Variants in NSD1 observed in about 807,000 individuals in gnomAD.
NSD1 encodes nuclear receptor binding SET domain protein 1, also known as histone-lysine N-methyltransferase, H3 lysine-36 specific.
In NSD1, 26 loss-of-function variants were observed where a neutral mutation model predicts 242.7. That is an observed-to-expected ratio of 0.11 (90% confidence interval 0.08 to 0.15). The LOEUF is 0.15. Among genes scored for constraint, NSD1 ranks in the 10% least tolerant of loss-of-function variants. The probability of loss-of-function intolerance (pLI) is 1.00; values close to 1 mark genes in which losing one functional copy is unlikely to be tolerated. For missense variants in NSD1, 2,495 were observed against 3,272.8 expected (o/e 0.76, Z 5.80); for synonymous variants, 1,106 against 1,178.1 (o/e 0.94, Z 1.25).
At chr5:177,285,454 C>T (rs1185442436) in intron 20 of NSD1, among the ~76,000 whole-genome samples, 1 of 149,672 alleles carries the variant, frequency 6.7e-6, no homozygotes. Context: ...GTCTCAGCTA[C>T]TCTGGAGGCT....
Position 177,295,170 on chromosome 5 carries a change from G to A in NSD1, c.7802G>A (p.Arg2601Lys), listed in dbSNP as rs1222319764. ...ALAAKSGQSF[R>K]SLGKAPASLP... is the part of the protein sequence containing the mutation. The stretch of plus-strand genomic sequence containing the variant: ...GCCGCCAAGAGTGGGCAATCTTTTA[G>A]GTCTCTCGGGAAGGCCCCAGCCTCC... The change falls in exon 23 of 23, where the codon AGG (arginine) becomes AAG (lysine). Residue 2601 changes from arginine (R) to lysine (K), a missense_variant. Arg to Lys is a conservative substitution (Grantham distance 26). Around this residue, in one of 19 missense-constraint regions of NSD1, gnomAD observed 475 missense variants for 563.7 expected, o/e 0.84. Transcript: ENST00000439151. This position sits in a 1 kb window ranked among gnomAD's most constrained non-coding sequence, Gnocchi z 4.3. The A allele has an allele frequency of 1.2e-6, 2 of 1,614,184 alleles. No individual in the cohort carries two copies.
intron 2 of NSD1, among the ~76,000 whole-genome samples, chr5:177,141,398 T>A (rs559052909): frequency 3.6e-4 from 52 of 143,978 alleles, no homozygotes; most frequent in Middle Eastern, 3.6e-3. Context: ...TGGTGTGACC[T>A]TAGCCCACGG....
intron 2 of NSD1, among the ~76,000 whole-genome samples, chr5:177,177,955 A>G (rs1489285346): frequency 6.6e-6 from 1 of 152,052 alleles, no homozygotes; most frequent in Non-Finnish European, 1.5e-5. Context: ...TGTGCAGTGG[A>G]GCAGTTTTGG....
chr5:177,181,427 G>GTTTTTTTT (rs34848476), intron 2 of NSD1, among the ~76,000 whole-genome samples: 13 of 117,336 alleles, frequency 1.1e-4, no homozygotes, highest in African/African-American at 2.2e-4. Flanking sequence ...TTTTTTTTTG[G>GTTTTTTTT]TTTTTTTTTT....
At chr5:177,144,220 G>GT (rs78751136) in intron 2 of NSD1, among the ~76,000 whole-genome samples, 424 of 146,162 alleles carry the variant, frequency 2.9e-3, no homozygotes, top group East Asian at 2.8e-3. Context: ...ATATTTTTGA[G>GT]TTTTTTTTTT....
At chr5:177,155,016 A>T (rs540772297) in intron 2 of NSD1, among the ~76,000 whole-genome samples, 105 of 142,362 alleles carry the variant, frequency 7.4e-4, no homozygotes, top group African/African-American at 2.7e-3. Flanking sequence ...TTTGAGTCAG[A>T]GTCTTGTTCT....
At position 177,134,983 on chromosome 5, in the gene NSD1, CAGAA is replaced by C; in HGVS notation, c.-17-101_-17-98del. ...ACTTTTTCTGCCCATGGAAGTGCAG[CAGAA>C]AGGCATAGAGGCCACTAGGCCTTGA... On this transcript the variant is annotated intron_variant, in intron 1 of 22. Transcript: ENST00000439151. The surrounding 1 kb of genome is among the most constrained non-coding windows in gnomAD (Gnocchi z 4.2). 10 of 984,196 alleles carry C rather than the reference CAGAA, an allele frequency of 1.0e-5. No homozygotes were observed. Among genetic ancestry groups the C allele is most frequent in the Non-Finnish European group, 1.4e-5 (9 of 632,220 alleles). The allele number at this position is 984,196 out of a possible 1,614,324, so 61.0% of individuals were successfully genotyped here.
chr5:177,243,248 G>A (rs1417748409), intron 8 of NSD1, among the ~76,000 whole-genome samples: 2 of 152,142 alleles, frequency 1.3e-5, no homozygotes, highest in South Asian at 2.1e-4. Context: ...GCAGTGGCGC[G>A]ATCTTGGCTC....
intron 8 of NSD1, among the ~76,000 whole-genome samples, chr5:177,242,819 G>A (rs1479365344): frequency 1.3e-5 from 2 of 152,252 alleles, no homozygotes; most frequent in Middle Eastern, 3.4e-3. Context: ...GTGAACCACC[G>A]TGCCCAGCCA....
intron 2 of NSD1, among the ~76,000 whole-genome samples, chr5:177,174,149 G>A (rs1443241498): frequency 1.3e-5 from 2 of 151,934 alleles, no homozygotes; most frequent in African/African-American, 2.4e-5. Context: ...GGTGGATCAC[G>A]AGGTCAAGAG....
Position 177,235,913 on chromosome 5 carries a change from A to G in NSD1, c.3889A>G (p.Lys1297Glu), listed in dbSNP as rs1581401806. The change falls in exon 6 of 23, where the codon AAA becomes GAA. Residue 1297 changes from lysine (K) to glutamate (E), a missense_variant. Lys to Glu is a moderately conservative substitution (Grantham distance 56, BLOSUM62 1). Around this residue, in one of 19 missense-constraint regions of NSD1, gnomAD observed 426 missense variants for 411.4 expected, o/e 1.04. Transcript: ENST00000439151. ...TGATCAGATATTTGCTCCTAAGAAAAAACAAAAGAAGGTACAGGAGCAGGT... is the reference window on the plus strand; with the variant it reads ...TGATCAGATATTTGCTCCTAAGAAAGAACAAAAGAAGGTACAGGAGCAGGT... The part of the protein sequence containing the change: ...EYDQIFAPKK[K>E]QKKVQEQVHK... The G allele has an allele frequency of 6.2e-7, 1 of 1,614,010 alleles. No homozygotes were observed. Among genetic ancestry groups the G allele is most frequent in the Non-Finnish European group, 8.5e-7 (1 of 1,179,906 alleles).
chr5:177,186,346 A>G (rs1318177413), intron 2 of NSD1, among the ~76,000 whole-genome samples: 2 of 151,590 alleles, frequency 1.3e-5, no homozygotes, highest in South Asian at 2.1e-4. Context: ...ATTTAGCTCA[A>G]CTGTAATTTT....
At chr5:177,251,977 G>T in intron 12 of NSD1, 124 bp downstream of exon 12, 1 of 1,162,662 alleles carries the variant, frequency 8.6e-7, no homozygotes. Flanking sequence ...ATATAGAAAT[G>T]GTGCTGTGGG....
chr5:177,260,617 G>A (rs960198264), intron 14 of NSD1, among the ~76,000 whole-genome samples: 1 of 152,004 alleles, frequency 6.6e-6, no homozygotes, highest in Admixed American at 6.6e-5. Flanking sequence ...CAAAGTGCTG[G>A]GATTACAGGG....
chr5:177,133,696 CCGCACGCGGGCCGGCGCGAGGCGCTCGGT>C (rs1311819822), upstream of NSD1: 2 of 148,740 alleles, frequency 1.3e-5, no homozygotes, highest in African/African-American at 2.4e-5. The surrounding 1 kb of genome is among the most constrained non-coding windows in gnomAD (Gnocchi z 6.2). Context: ...CGGGGCCCAG[CCGCACGCGGGCCGGCGCGAGGCGCTCGGT>C]CGCACGCGCG....
intron 16 of NSD1, 55 bp from the exon 17 acceptor site, chr5:177,273,617 A>G: frequency 1.5e-6 from 2 of 1,333,394 alleles, no homozygotes; most frequent in African/African-American, 1.4e-5. Context: ...TAAGTGAATA[A>G]ATAAGTAATT....
At chr5:177,148,180 C>T (rs148937429) in intron 2 of NSD1, among the ~76,000 whole-genome samples, 3,867 of 151,284 alleles carry the variant, frequency 0.026, 50 homozygotes, top group African/African-American at 0.029. Flanking sequence ...TGCAATTGCG[C>T]GATCTTGGCT....
At chr5:177,258,279 C>T (rs1176890810) in intron 13 of NSD1, among the ~76,000 whole-genome samples, 1 of 151,298 alleles carries the variant, frequency 6.6e-6, no homozygotes. Flanking sequence ...TGCGCCCGGC[C>T]GGCCATTTTT....
At chr5:177,199,579 A>C (rs972593587) in intron 3 of NSD1, among the ~76,000 whole-genome samples, 5 of 127,726 alleles carry the variant, frequency 3.9e-5, no homozygotes, top group Non-Finnish European at 4.8e-5. Flanking sequence ...TCAACTTAAT[A>C]TTTTCTTTTC....
Sources: allele counts gnomAD v4.1 joint callset (sites outside exome capture counted in the v4.1 genomes callset), GRCh38; gene constraint gnomAD v4.1.1; regional missense constraint gnomAD v4.1.1; non-coding constraint Gnocchi (gnomAD v3.1); transcripts MANE v1.5; gene names NCBI Gene and HGNC (gene_info 2026-07-23, HGNC 2026-07-21).